Variants in LRMDA observed in about 807,000 individuals in gnomAD.
LRMDA encodes the protein leucine rich melanocyte differentiation associated.
Under a neutral mutation model 29.8 loss-of-function variants are expected in LRMDA, and 18 were observed. The observed-to-expected ratio is 0.60, with a 90% CI of 0.42 to 0.90. The LOEUF is 0.90. LRMDA is among the 40% of genes least tolerant of loss of function. The pLI is 0.00. For synonymous variants in LRMDA, 125 were observed against 109.4 expected, an observed-to-expected ratio of 1.14 and a Z score of -0.89; for missense variants, 273 against 273.9, an observed-to-expected ratio of 1.00 and a Z score of 0.02.
intron 4 of LRMDA, among the ~76,000 whole-genome samples, chr10:76,051,234 T>A (rs1848526907): frequency 6.6e-6 from 1 of 152,190 alleles, no homozygotes; most frequent in Non-Finnish European, 1.5e-5. Context: ...TAATCTACAA[T>A]CTGGGCTTTG....
At chr10:76,212,267 A>ACACACACACACAC (rs1554855258) in intron 5 of LRMDA, among the ~76,000 whole-genome samples, 2 of 141,826 alleles carry the variant, frequency 1.4e-5, no homozygotes, top group South Asian at 2.1e-4. Context: ...ACACACACAC[A>ACACACACACACAC]TAAAAAAAAA....
intron 2 of LRMDA, among the ~76,000 whole-genome samples, chr10:75,942,204 C>T (rs1846403361): frequency 6.6e-6 from 1 of 152,080 alleles, no homozygotes; most frequent in Non-Finnish European, 1.5e-5. Flanking sequence ...GTTTATCATA[C>T]AAATGTGGTG....
intron 2 of LRMDA, among the ~76,000 whole-genome samples, chr10:76,028,692 A>T (rs1464733641): frequency 6.6e-6 from 1 of 152,180 alleles, no homozygotes; most frequent in Non-Finnish European, 1.5e-5. Context: ...AATTTGAGCC[A>T]TTAATCAGTA....
intron 2 of LRMDA, among the ~76,000 whole-genome samples, chr10:75,563,245 C>G (rs1840323410): frequency 6.6e-6 from 1 of 151,996 alleles, no homozygotes; most frequent in Non-Finnish European, 1.5e-5. Context: ...ATTCTTTTTT[C>G]TCTAAACTTC....
chr10:76,509,137 C>T (rs1274118218), intron 6 of LRMDA, among the ~76,000 whole-genome samples: 1 of 152,190 alleles, frequency 6.6e-6, no homozygotes, highest in East Asian at 1.9e-4. Flanking sequence ...TATTCATAAA[C>T]ACCCACTTTG....
At chr10:76,065,214 CA>C (rs1363362396) in intron 5 of LRMDA, among the ~76,000 whole-genome samples, 2 of 152,214 alleles carry the variant, frequency 1.3e-5, no homozygotes. Context: ...TCCTGTGCCT[CA>C]AGCAAATGCT....
chr10:76,345,088 A>T (rs1440699308), intron 6 of LRMDA, among the ~76,000 whole-genome samples: 34 of 84,950 alleles, frequency 4.0e-4, no homozygotes, highest in African/African-American at 1.5e-3. Flanking sequence ...TTTTTTTGAG[A>T]CGGAGTCTCG....
At chr10:75,931,357 A>G (rs1484441214) in intron 2 of LRMDA, among the ~76,000 whole-genome samples, 3 of 152,182 alleles carry the variant, frequency 2.0e-5, no homozygotes, top group African/African-American at 7.2e-5. Context: ...ATAACTGTTC[A>G]TGTGTCTAAA....
intron 2 of LRMDA, among the ~76,000 whole-genome samples, chr10:75,697,355 T>A (rs1818350795): frequency 6.6e-6 from 1 of 151,776 alleles, no homozygotes; most frequent in South Asian, 2.1e-4. Context: ...AAGTTTCTCC[T>A]TCAGACATTA....
intron 2 of LRMDA, among the ~76,000 whole-genome samples, chr10:75,700,778 T>G (rs1202451911): frequency 6.6e-6 from 1 of 151,876 alleles, no homozygotes; most frequent in Non-Finnish European, 1.5e-5. Flanking sequence ...GATGGGTGGG[T>G]GGGTGAATGG....
At chr10:75,958,964 G>A (rs551793581) in intron 2 of LRMDA, among the ~76,000 whole-genome samples, 33 of 152,272 alleles carry the variant, frequency 2.2e-4, no homozygotes, top group Admixed American at 2.1e-3. Flanking sequence ...ACTACCGCGA[G>A]AACAGTATGG....
chr10:75,531,251 G>T (rs1199717798), intron 2 of LRMDA, among the ~76,000 whole-genome samples: 1 of 152,160 alleles, frequency 6.6e-6, no homozygotes, highest in Non-Finnish European at 1.5e-5. Context: ...GGTGGCAGAG[G>T]GGGTGGTTAA....
intron 2 of LRMDA, among the ~76,000 whole-genome samples, chr10:75,523,321 A>G (rs919871696): frequency 1.3e-5 from 2 of 152,158 alleles, no homozygotes; most frequent in Admixed American, 1.3e-4. Context: ...ATGTCATCCC[A>G]TAACTACATG....
At position 75,618,130 on chromosome 10, in the gene LRMDA, C is replaced by T. The variant is rs981666926; in HGVS notation, c.131+179636C>T. On this transcript the variant is annotated intron_variant, in intron 2 of 6. Transcript: ENST00000611255. The stretch of plus-strand genomic sequence containing the variant: ...ATTGCTGTCTTATGATGCAGTTCAC[C>T]TGCTGTATTGTTGTTTAACATTTTT... Among the ~76,000 whole-genome samples the T allele has an allele frequency of 2.6e-5, 4 of 152,068 alleles. No homozygotes were observed. In the East Asian group the frequency reaches 7.7e-4, roughly 29 times the overall value.
chr10:76,260,539 C>A (rs558721573), intron 5 of LRMDA, among the ~76,000 whole-genome samples: 36 of 151,988 alleles, frequency 2.4e-4, no homozygotes, highest in Admixed American at 6.6e-5. Flanking sequence ...AAGGTTTCTG[C>A]GGAGAAACCC....
At chr10:75,926,634 G>A (rs1846124628) in intron 2 of LRMDA, among the ~76,000 whole-genome samples, 1 of 152,200 alleles carries the variant, frequency 6.6e-6, no homozygotes, top group African/African-American at 2.4e-5. Flanking sequence ...GGCATGTTTG[G>A]CAGTTTGGGA....
intron 5 of LRMDA, among the ~76,000 whole-genome samples, chr10:76,087,056 T>C (rs536246563): frequency 1.4e-4 from 22 of 152,252 alleles, no homozygotes; most frequent in Middle Eastern, 3.4e-3. Flanking sequence ...ATGGAGTGTT[T>C]TCTTGGAAAA....
At chr10:75,920,526 C>G (rs1846009633) in intron 2 of LRMDA, among the ~76,000 whole-genome samples, 1 of 152,144 alleles carries the variant, frequency 6.6e-6, no homozygotes, top group Non-Finnish European at 1.5e-5. Flanking sequence ...CAACTCCTTG[C>G]TATAACTTAT....
chr10:75,630,392 C>T (rs1358169452), intron 2 of LRMDA, among the ~76,000 whole-genome samples: 1 of 152,188 alleles, frequency 6.6e-6, no homozygotes, highest in African/African-American at 2.4e-5. Context: ...ATGCAAATAC[C>T]AAGATGGCCT....
Sources: allele counts gnomAD v4.1 joint callset (sites outside exome capture counted in the v4.1 genomes callset), GRCh38; gene constraint gnomAD v4.1.1; transcripts MANE v1.5; gene names NCBI Gene and HGNC (gene_info 2026-07-23, HGNC 2026-07-21).